LRRC8B: variants seen among roughly 807,000 people sequenced by gnomAD.
LRRC8B encodes the protein leucine rich repeat containing 8 VRAC subunit B.
In LRRC8B, 23 loss-of-function variants were observed where a neutral mutation model predicts 58.8. The ratio of observed to expected loss-of-function variants is 0.39; its 90% confidence interval spans 0.28 to 0.55. The LOEUF is 0.55. LRRC8B is among the 20% of genes least tolerant of loss of function. The pLI is 0.62. For synonymous variants in LRRC8B, 359 were observed against 374.1 expected (o/e 0.96, Z 0.47); for missense variants, 694 against 936.0 (o/e 0.74, Z 3.37).
chr1:89,563,279 G>T (rs979058298), intron 1 of LRRC8B, among the ~76,000 whole-genome samples: 1 of 151,682 alleles, frequency 6.6e-6, no homozygotes, highest in Non-Finnish European at 1.5e-5. Flanking sequence ...CATTTATATT[G>T]TTGTACAACC....
chr1:89,533,637 A>C (rs1456542106), intron 1 of LRRC8B, among the ~76,000 whole-genome samples: 1 of 152,060 alleles, frequency 6.6e-6, no homozygotes, highest in East Asian at 1.9e-4. Context: ...TATACCTATC[A>C]TAGTACCTAG....
chr1:89,573,853 C>T (rs1653641087), intron 3 of LRRC8B, among the ~76,000 whole-genome samples: 1 of 152,198 alleles, frequency 6.6e-6, no homozygotes, highest in Admixed American at 6.5e-5. Flanking sequence ...GTGGGCTAAA[C>T]ATGGCTGCTA....
Position 89,584,162 on chromosome 1 carries a change from C to G in LRRC8B, c.1512C>G (p.Arg504=), listed in dbSNP as rs776074705. The change falls in exon 5 of 6, where the codon CGC becomes CGG. Residue 504 remains arginine, a synonymous_variant. Coordinates refer to ENST00000330947, the MANE Select transcript of LRRC8B (RefSeq NM_001369817.2). ...LKFTEMGKIP[R]WVFHLKNLKE... ...TTACTGAAATGGGAAAAATCCCACG[C>G]TGGGTATTTCACCTCAAGAATCTCA... 11 of 1,611,934 alleles carry G rather than the reference C, an allele frequency of 6.8e-6. No individual in the cohort carries two copies. The African/African-American group carries it at 1.2e-4, about 18-fold the overall frequency.
intron 1 of LRRC8B, among the ~76,000 whole-genome samples, chr1:89,529,348 G>T (rs2100774291): frequency 6.6e-6 from 1 of 152,262 alleles, no homozygotes; most frequent in South Asian, 2.1e-4. Flanking sequence ...GTCATGGGAG[G>T]AGATGAGGTT....
chr1:89,590,949 T>G (rs1291061809), intron 5 of LRRC8B, among the ~76,000 whole-genome samples: 1 of 152,178 alleles, frequency 6.6e-6, no homozygotes, highest in Non-Finnish European at 1.5e-5. Context: ...GGAGTGGCAC[T>G]GGTAACTGGT....
intron 5 of LRRC8B, among the ~76,000 whole-genome samples, chr1:89,589,451 G>C (rs1654839955): frequency 6.6e-6 from 1 of 152,174 alleles, no homozygotes; most frequent in African/African-American, 2.4e-5. Context: ...TGGTGGCATT[G>C]ATTGTAATGG....
intron 3 of LRRC8B, among the ~76,000 whole-genome samples, chr1:89,579,206 T>C (rs190122186): frequency 6.6e-6 from 1 of 152,334 alleles, no homozygotes; most frequent in East Asian, 1.9e-4. Flanking sequence ...TTAGAAAAGC[T>C]GTGTTCATCT....
At chr1:89,568,709 T>C (rs1411965225) in intron 3 of LRRC8B, among the ~76,000 whole-genome samples, 1 of 152,174 alleles carries the variant, frequency 6.6e-6, no homozygotes, top group Non-Finnish European at 1.5e-5. Context: ...TCCTACTTTT[T>C]GTGGATTTTG....
chr1:89,526,703 T>C (rs986734844), intron 1 of LRRC8B, among the ~76,000 whole-genome samples: 1 of 152,204 alleles, frequency 6.6e-6, no homozygotes, highest in Non-Finnish European at 1.5e-5. Flanking sequence ...GATGTTGTCA[T>C]TGAGTGCACC....
rs1317364777 is a variant in LRRC8B, at chr1:89,594,644, C to T, written c.*1601C>T. ...AGATCCATTTAACTGAAATTCATCT[C>T]ATGCCTTTATCTAACTCTTCTGGAA... On this transcript the variant is annotated 3_prime_UTR_variant, in exon 6 of 6. Coordinates refer to ENST00000330947, the MANE Select transcript of LRRC8B (RefSeq NM_001369817.2). 6.6e-6 allele frequency: 1 copy of T among 152,158 alleles called. No homozygotes were observed. Among genetic ancestry groups the T allele is most frequent in the Non-Finnish European group, 1.5e-5 (1 of 68,008 alleles). The allele number at this position is 152,158 out of a possible 1,614,324, so 9.4% of individuals were successfully genotyped here.
At chr1:89,580,754 C>CATAT in intron 4 of LRRC8B, among the ~76,000 whole-genome samples, 1 of 152,036 alleles carries the variant, frequency 6.6e-6, no homozygotes, top group East Asian at 1.9e-4. Context: ...AAGGTGAATC[C>CATAT]ATATAATATT....
At chr1:89,574,453 A>T (rs1333573512) in intron 3 of LRRC8B, among the ~76,000 whole-genome samples, 3 of 152,200 alleles carry the variant, frequency 2.0e-5, no homozygotes, top group Non-Finnish European at 4.4e-5. Context: ...CCCTTGTTTT[A>T]TATTGAGAAA....
intron 1 of LRRC8B, among the ~76,000 whole-genome samples, chr1:89,561,812 C>T (rs2100967935): frequency 6.7e-6 from 1 of 150,362 alleles, no homozygotes; most frequent in South Asian, 2.1e-4. Flanking sequence ...AGTTTGAAGT[C>T]AGGTAGTGTG....
In LRRC8B at chr1:89,592,818, T is replaced by C. The variant is rs375053059; in HGVS notation, c.2187T>C (p.Cys729=). The stretch of plus-strand genomic sequence containing the variant: ...TGTTTCAGTGCAAAAAGCTGCAGTG[T>C]TTACTTTTGGGGAAAAATAGCTTGA... ...DGLFQCKKLQ[C]LLLGKNSLMN... The change falls in exon 6 of 6, where the codon TGT becomes TGC. Residue 729 remains cysteine (C), a synonymous_variant. Transcript: ENST00000330947. The C allele has an allele frequency of 2.7e-5, 44 of 1,613,982 alleles. No homozygotes were observed. The highest frequency in any genetic ancestry group is 3.6e-5 in the Non-Finnish European group (43 of 1,180,012).
intron 5 of LRRC8B, among the ~76,000 whole-genome samples, chr1:89,591,860 C>T (rs1488533275): frequency 4.6e-5 from 7 of 152,092 alleles, no homozygotes; most frequent in Non-Finnish European, 1.0e-4. Context: ...TGGCCCCTGT[C>T]CCCAGCCAAT....
At chr1:89,568,366 A>G (rs1211865819) in intron 2 of LRRC8B, 59 bp downstream of exon 2, 1 of 152,178 alleles carries the variant, frequency 6.6e-6, no homozygotes, top group Non-Finnish European at 1.5e-5. Context: ...TTTTAGAACC[A>G]TATCAGTGGA....
chr1:89,581,172 G>T (rs918134226), intron 4 of LRRC8B, among the ~76,000 whole-genome samples: 5 of 151,048 alleles, frequency 3.3e-5, no homozygotes, highest in African/African-American at 4.9e-5. Context: ...GATGCCATGT[G>T]CCTGTAGTCC....
intron 5 of LRRC8B, among the ~76,000 whole-genome samples, chr1:89,588,251 A>T (rs1406941559): frequency 3.9e-5 from 6 of 152,066 alleles, no homozygotes; most frequent in Non-Finnish European, 7.4e-5. Context: ...CTTCCATAGG[A>T]CGGTAATAGG....
intron 3 of LRRC8B, among the ~76,000 whole-genome samples, chr1:89,571,179 G>A (rs1653446547): frequency 6.6e-6 from 1 of 152,114 alleles, no homozygotes; most frequent in Non-Finnish European, 1.5e-5. Flanking sequence ...GCTTAGCATT[G>A]CCTTGGCTGT....
Sources: allele counts gnomAD v4.1 joint callset (sites outside exome capture counted in the v4.1 genomes callset), GRCh38; gene constraint gnomAD v4.1.1; transcripts MANE v1.5; gene names NCBI Gene and HGNC (gene_info 2026-07-23, HGNC 2026-07-21).